SGCZ: variants seen among roughly 807,000 people sequenced by gnomAD.
SGCZ encodes zeta-sarcoglycan.
In SGCZ, 40 loss-of-function variants were observed where a neutral mutation model predicts 41.3. The ratio of observed to expected loss-of-function variants is 0.97; its 90% CI spans 0.75 to 1.26. The LOEUF (loss-of-function observed/expected upper bound fraction) is 1.26, where lower values mean the gene tolerates loss of function less well. Ranked by LOEUF, SGCZ falls within the 50% of genes most tolerant of loss-of-function variation. SGCZ has a pLI of 0.00. For missense variants in SGCZ, 552 were observed against 369.8 expected, an observed-to-expected ratio of 1.49 and a Z score of -4.04; for synonymous variants, 206 against 137.5, an observed-to-expected ratio of 1.50 and a Z score of -3.49.
intron 5 of SGCZ, among the ~76,000 whole-genome samples, chr8:14,131,200 C>G (rs1044510534): frequency 6.6e-6 from 1 of 152,102 alleles, no homozygotes; most frequent in African/African-American, 2.4e-5. Flanking sequence ...CAAAAGATGC[C>G]GCTTCAGAGG....
At chr8:14,638,191 T>C (rs1806899463) in intron 1 of SGCZ, among the ~76,000 whole-genome samples, 1 of 151,882 alleles carries the variant, frequency 6.6e-6, no homozygotes, top group Admixed American at 6.6e-5. Context: ...TCTTACATTC[T>C]GTTCCCAACT....
intron 4 of SGCZ, among the ~76,000 whole-genome samples, chr8:14,232,040 A>C (rs1806590265): frequency 6.6e-6 from 1 of 152,054 alleles, no homozygotes; most frequent in Non-Finnish European, 1.5e-5. Context: ...TTATTAATAG[A>C]CATTGACTCA....
intron 1 of SGCZ, among the ~76,000 whole-genome samples, chr8:15,210,699 T>C (rs1801208647): frequency 6.6e-6 from 1 of 152,154 alleles, no homozygotes; most frequent in East Asian, 1.9e-4. Flanking sequence ...TGCTCATCTC[T>C]AGTGTACTTT....
intron 1 of SGCZ, among the ~76,000 whole-genome samples, chr8:15,022,203 T>C (rs1158583658): frequency 6.6e-6 from 1 of 152,238 alleles, no homozygotes; most frequent in East Asian, 1.9e-4. Context: ...TACTTTCATT[T>C]TGTTCAAAAA....
chr8:14,898,964 C>T (rs1293075815), intron 1 of SGCZ, among the ~76,000 whole-genome samples: 1 of 152,124 alleles, frequency 6.6e-6, no homozygotes, highest in East Asian at 1.9e-4. Flanking sequence ...ATAGTGAAGA[C>T]AATGTAAAAT....
intron 3 of SGCZ, among the ~76,000 whole-genome samples, chr8:14,275,820 G>T (rs1348738334): frequency 6.6e-6 from 1 of 152,132 alleles, no homozygotes; most frequent in Non-Finnish European, 1.5e-5. Flanking sequence ...GGAATCCAAG[G>T]ATCCACCCCT....
At chr8:14,651,963 C>T (rs1480500410) in intron 1 of SGCZ, among the ~76,000 whole-genome samples, 1 of 150,996 alleles carries the variant, frequency 6.6e-6, no homozygotes, top group Non-Finnish European at 1.5e-5. Context: ...AAAAAGCAAA[C>T]AAAAAAAACG....
chr8:14,780,502 C>T (rs1800555793), intron 1 of SGCZ, among the ~76,000 whole-genome samples: 1 of 151,952 alleles, frequency 6.6e-6, no homozygotes, highest in Non-Finnish European at 1.5e-5. Context: ...TAATCCTTCC[C>T]TTGTATCTAC....
chr8:14,609,007 T>C (rs1353652668), intron 1 of SGCZ, among the ~76,000 whole-genome samples: 3 of 152,228 alleles, frequency 2.0e-5, no homozygotes, highest in Non-Finnish European at 4.4e-5. Context: ...TATTATTATG[T>C]TGCAGAGTGT....
intron 1 of SGCZ, among the ~76,000 whole-genome samples, chr8:15,107,183 G>T (rs898179931): frequency 2.0e-5 from 3 of 152,022 alleles, no homozygotes; most frequent in African/African-American, 7.2e-5. Context: ...TAAAAGTTTT[G>T]TTATCATGCT....
chr8:14,935,998 C>T (rs935188198), intron 1 of SGCZ, among the ~76,000 whole-genome samples: 5 of 151,794 alleles, frequency 3.3e-5, no homozygotes, highest in African/African-American at 7.2e-5. Flanking sequence ...AATTTCCATG[C>T]GATTAAATGA....
intron 1 of SGCZ, 55 bp downstream of exon 1, chr8:15,237,530 G>C (rs1484452337): frequency 1.3e-6 from 2 of 1,559,362 alleles, no homozygotes; most frequent in South Asian, 1.2e-5. Flanking sequence ...GAAGGAGAGG[G>C]GAGAGCAGGG....
intron 1 of SGCZ, among the ~76,000 whole-genome samples, chr8:14,946,493 G>A (rs886711403): frequency 6.6e-6 from 1 of 151,922 alleles, no homozygotes; most frequent in African/African-American, 2.4e-5. Context: ...TTCCACCTGT[G>A]TAATTGAGTT....
intron 1 of SGCZ, among the ~76,000 whole-genome samples, chr8:14,672,303 C>G (rs1021114786): frequency 6.6e-6 from 1 of 151,892 alleles, no homozygotes; most frequent in Admixed American, 6.6e-5. Context: ...CTGTTAATGC[C>G]CAATGTCTCA....
intron 1 of SGCZ, among the ~76,000 whole-genome samples, chr8:14,696,951 T>C (rs1370039751): frequency 7.7e-6 from 1 of 130,318 alleles, no homozygotes; most frequent in African/African-American, 3.7e-5. Flanking sequence ...AGGAAATCTA[T>C]GTTGATAAAG....
At chr8:14,913,024 A>G (rs1799323824) in intron 1 of SGCZ, among the ~76,000 whole-genome samples, 1 of 152,096 alleles carries the variant, frequency 6.6e-6, no homozygotes, top group Admixed American at 6.6e-5. Flanking sequence ...ATATCATGAC[A>G]ACTTTTCATA....
intron 1 of SGCZ, among the ~76,000 whole-genome samples, chr8:15,188,304 A>G (rs1461487903): frequency 6.6e-6 from 1 of 152,112 alleles, no homozygotes; most frequent in Non-Finnish European, 1.5e-5. Flanking sequence ...TATAAACTGA[A>G]TTAGCTCCTA....
At chr8:14,902,647 T>C (rs939089457) in intron 1 of SGCZ, among the ~76,000 whole-genome samples, 1 of 152,144 alleles carries the variant, frequency 6.6e-6, no homozygotes, top group African/African-American at 2.4e-5. Flanking sequence ...CAGAAAGTTG[T>C]CTATTGAAAT....
In SGCZ at chr8:14,597,010, T is replaced by C. The variant is rs1585111645; in HGVS notation, c.40-42084A>G. ...GTAATGGTATAAGACTAGAAAATTG[T>C]GAACAACTCATAACTTCCTCAAAAC... On this transcript the variant is annotated intron_variant, in intron 1 of 7. Coordinates refer to ENST00000382080, the MANE Select transcript of SGCZ (RefSeq NM_139167.4). 2.0e-5 allele frequency among the ~76,000 whole-genome samples: 3 copies of C among 152,184 alleles called. No individual in the cohort carries two copies. In the South Asian group the frequency reaches 6.2e-4, roughly 32 times the overall value.
Sources: allele counts gnomAD v4.1 joint callset (sites outside exome capture counted in the v4.1 genomes callset), GRCh38; gene constraint gnomAD v4.1.1; transcripts MANE v1.5; gene names NCBI Gene and HGNC (gene_info 2026-07-23, HGNC 2026-07-21).